CTDSP2: variants seen among roughly 807,000 people sequenced by gnomAD.
CTDSP2 encodes CTD small phosphatase 2, also known as carboxy-terminal domain RNA polymerase II polypeptide A small phosphatase 2.
Under a neutral mutation model 31.6 loss-of-function variants are expected in CTDSP2, and 9 were observed. That is an observed-to-expected ratio of 0.28 (90% confidence interval 0.17 to 0.50). CTDSP2 has a LOEUF of 0.50. CTDSP2 is among the 20% of genes least tolerant of loss of function. The pLI, the probability that CTDSP2 is intolerant of heterozygous loss-of-function variation, is 0.98. For synonymous variants in CTDSP2, 134 were observed against 134.5 expected, an observed-to-expected ratio of 1.00 and a Z score of 0.03; for missense variants, 267 against 348.5, an observed-to-expected ratio of 0.77 and a Z score of 1.86.
intron 2 of CTDSP2, 60 bp from the exon 3 acceptor site, chr12:57,827,650 C>T: frequency 6.5e-7 from 1 of 1,538,706 alleles, no homozygotes; most frequent in Non-Finnish European, 9.0e-7. Flanking sequence ...CCATCCAAAC[C>T]CACTGCTTCT....
At chr12:57,832,261 C>T (rs1956220329) in intron 1 of CTDSP2, among the ~76,000 whole-genome samples, 1 of 152,236 alleles carries the variant, frequency 6.6e-6, no homozygotes, top group Non-Finnish European at 1.5e-5. Flanking sequence ...CTGGACATCA[C>T]TTTCAAGCTC....
chr12:57,824,930 C>A (rs889964738), intron 5 of CTDSP2, among the ~76,000 whole-genome samples: 1 of 152,180 alleles, frequency 6.6e-6, no homozygotes, highest in African/African-American at 2.4e-5. Context: ...CACCTGACCC[C>A]CCATCGGTCT....
intron 5 of CTDSP2, 38 bp downstream of exon 5, chr12:57,826,308 C>A (rs535551825): frequency 6.9e-6 from 11 of 1,604,788 alleles, no homozygotes; most frequent in South Asian, 1.1e-5. Flanking sequence ...GCAGACCCCC[C>A]ACCCTCTGGG....
At position 57,823,493 on chromosome 12, in the gene CTDSP2, C is replaced by T; in HGVS notation, c.*109G>A. ...TCTTTCCAGTTACTTCCCGCTGTTT[C>T]CGGGCCGTGTGGTGAGGCACTCCAG... On this transcript the variant is annotated 3_prime_UTR_variant, in exon 8 of 8. Transcript: ENST00000398073. 1 of 1,314,506 alleles carries T rather than the reference C, an allele frequency of 7.6e-7. No homozygotes were observed. Among genetic ancestry groups the T allele is most frequent in the Non-Finnish European group, 1.0e-6 (1 of 953,466 alleles). 81.4% of individuals were successfully genotyped at this position (1,314,506 alleles called of 1,614,324 possible).
At chr12:57,833,335 G>A (rs1439437861) in intron 1 of CTDSP2, among the ~76,000 whole-genome samples, 3 of 152,176 alleles carry the variant, frequency 2.0e-5, no homozygotes, top group Admixed American at 6.5e-5. Context: ...CAATGTGGCC[G>A]GCAGCCCCTG....
rs369014414 is a variant in CTDSP2, at chr12:57,824,078, A to G, written c.516T>C (p.Pro172=). The change falls in exon 7 of 8, where the codon CCT becomes CCC. Residue 172 remains proline, a synonymous_variant. Coordinates refer to ENST00000398073, the MANE Select transcript of CTDSP2 (RefSeq NM_005730.4). The part of the protein sequence containing the change: ...FTASLAKYAD[P]VTDLLDRCGV... ...CACACCGGTCCAGCAGGTCTGTCAC[A>G]GGGTCGGCATACTAGGAGGAGAGAA... 5.7e-5 allele frequency: 92 copies of G among 1,613,880 alleles called. No homozygotes were observed. The highest frequency in any genetic ancestry group is 7.8e-5 in the Non-Finnish European group (92 of 1,179,984).
intron 1 of CTDSP2, among the ~76,000 whole-genome samples, chr12:57,838,880 C>T (rs530638577): frequency 2.0e-5 from 3 of 152,320 alleles, no homozygotes; most frequent in African/African-American, 7.2e-5. Flanking sequence ...AACTGCTACT[C>T]ATTAAGTGCA....
chr12:57,822,577 G>GA lies in CTDSP2; in HGVS notation c.*1024_*1025insT, dbSNP rs1194510079. Reference sequence around the variant, plus strand: ...AAATGGGAGGGGCTGGGACAGCTTAGTTTTTCCCAGCCTTTGGAACAGAAG... The same window carrying GA: ...AAATGGGAGGGGCTGGGACAGCTTAGATTTTTCCCAGCCTTTGGAACAGAAG... On this transcript the variant is annotated 3_prime_UTR_variant, in exon 8 of 8. Coordinates refer to ENST00000398073, the MANE Select transcript of CTDSP2 (RefSeq NM_005730.4). The GA allele has an allele frequency of 6.6e-6, 1 of 152,384 alleles. No homozygotes were observed. Among genetic ancestry groups the GA allele is most frequent in the African/African-American group, 2.4e-5 (1 of 41,454 alleles). 9.4% of individuals were successfully genotyped at this position (152,384 alleles called of 1,614,324 possible).
At chr12:57,844,019 C>T (rs567987380) in intron 1 of CTDSP2, among the ~76,000 whole-genome samples, 1 of 152,040 alleles carries the variant, frequency 6.6e-6, no homozygotes, top group Non-Finnish European at 1.5e-5. Flanking sequence ...GGCGAAACCC[C>T]TGTCTCTACT....
chr12:57,840,837 G>C (rs1350953164), intron 1 of CTDSP2, among the ~76,000 whole-genome samples: 2 of 152,118 alleles, frequency 1.3e-5, no homozygotes, highest in Non-Finnish European at 2.9e-5. Context: ...CAGGTTCAAG[G>C]CTAACTCCTA....
Position 57,828,118 on chromosome 12 carries a change from G to A in CTDSP2, c.214-528C>T, listed in dbSNP as rs551142937. Among the ~76,000 whole-genome samples, 4 of 152,192 alleles carry A rather than the reference G, an allele frequency of 2.6e-5. No individual in the cohort carries two copies. The South Asian group carries it at 8.3e-4, about 32-fold the overall frequency. On this transcript the variant is annotated intron_variant, in intron 2 of 7. Coordinates refer to ENST00000398073, the MANE Select transcript of CTDSP2 (RefSeq NM_005730.4). ...CAGCAAGCCCCCCACCCCAATTTTT[G>A]CTAATACAAATGTTATGACCGCCGG...
intron 2 of CTDSP2, 121 bp downstream of exon 2, chr12:57,829,327 C>T: frequency 8.5e-7 from 1 of 1,177,594 alleles, no homozygotes; most frequent in Non-Finnish European, 1.2e-6. Context: ...GAAGGGCCCC[C>T]TCTCAGCCAG....
At chr12:57,839,038 G>A (rs781344629) in intron 1 of CTDSP2, among the ~76,000 whole-genome samples, 5 of 152,078 alleles carry the variant, frequency 3.3e-5, no homozygotes, top group Non-Finnish European at 7.4e-5. Context: ...CGAATCAGTC[G>A]CACACACACA....
At chr12:57,832,790 T>TAA (rs61390174) in intron 1 of CTDSP2, among the ~76,000 whole-genome samples, 12 of 44,894 alleles carry the variant, frequency 2.7e-4, no homozygotes, top group African/African-American at 7.7e-4. Flanking sequence ...AGACTCTGGC[T>TAA]AAAAAAAAAA....
chr12:57,824,418 C>T (rs943902161), intron 5 of CTDSP2, 99 bp from the exon 6 acceptor site: 2 of 894,380 alleles, frequency 2.2e-6, no homozygotes, highest in Non-Finnish European at 1.8e-6. Flanking sequence ...GAGCTCTCAA[C>T]CCCTGCAGCC....
Position 57,832,530 on chromosome 12 carries a change from A to G in CTDSP2, c.65-2934T>C, listed in dbSNP as rs143922490. 6.8e-3 allele frequency among the ~76,000 whole-genome samples: 1,038 copies of G among 152,172 alleles called. 13 individuals carry two copies. The highest frequency in any genetic ancestry group is 0.024 in the African/African-American group (986 of 41,492). On this transcript the variant is annotated intron_variant, in intron 1 of 7. Coordinates refer to ENST00000398073, the MANE Select transcript of CTDSP2 (RefSeq NM_005730.4). ...AGACAGGGCGGTCGTGGTGGCTCAC[A>G]CCTGATATCCCAGCACCTTGGAAGG...
At chr12:57,843,402 A>G (rs1447332423) in intron 1 of CTDSP2, among the ~76,000 whole-genome samples, 1 of 152,196 alleles carries the variant, frequency 6.6e-6, no homozygotes, top group Non-Finnish European at 1.5e-5. Context: ...CTGTCTGGGA[A>G]GATGATCCAA....
rs1403703959 is a variant in CTDSP2, at chr12:57,846,580, C to T, written c.-145G>A. The T allele has an allele frequency of 9.1e-6, 6 of 656,018 alleles. No homozygotes were observed. In the East Asian group the frequency reaches 2.1e-4, roughly 23 times the overall value. The allele number at this position is 656,018 out of a possible 1,614,324, so 40.6% of individuals were successfully genotyped here. ...CTGTTCACATCCCCCCTCTCGTTTC[C>T]TCCCCGGACCGGGAAGGGAGGCGGC... On this transcript the variant is annotated 5_prime_UTR_variant, in exon 1 of 8. Coordinates refer to ENST00000398073, the MANE Select transcript of CTDSP2 (RefSeq NM_005730.4).
intron 1 of CTDSP2, among the ~76,000 whole-genome samples, chr12:57,840,279 G>A (rs1956274706): frequency 6.6e-6 from 1 of 152,230 alleles, no homozygotes; most frequent in Non-Finnish European, 1.5e-5. Context: ...GTCCCTGGCT[G>A]AGAGCCAGTA....
Sources: allele counts gnomAD v4.1 joint callset (sites outside exome capture counted in the v4.1 genomes callset), GRCh38; gene constraint gnomAD v4.1.1; transcripts MANE v1.5; gene names NCBI Gene and HGNC (gene_info 2026-07-23, HGNC 2026-07-21).